CACHD1: variants seen among roughly 807,000 people sequenced by gnomAD.
CACHD1 encodes cache domain containing 1, also known as VWFA and cache domain-containing protein 1.
CACHD1 carries 71 observed loss-of-function variants against 138.7 expected under a neutral mutation model. The observed-to-expected ratio is 0.51, with a 90% CI of 0.42 to 0.62. The LOEUF (loss-of-function observed/expected upper bound fraction) is 0.62. Ranked by LOEUF, CACHD1 falls within the 20% of genes least tolerant of loss-of-function variation. CACHD1 has a pLI of 0.00. For synonymous variants in CACHD1, 578 were observed against 591.5 expected, an observed-to-expected ratio of 0.98 and a Z score of 0.33; for missense variants, 1,389 against 1,625.3, an observed-to-expected ratio of 0.85 and a Z score of 2.50.
intron 2 of CACHD1, among the ~76,000 whole-genome samples, chr1:64,574,623 A>G (rs1646953203): frequency 6.6e-6 from 1 of 152,220 alleles, no homozygotes; most frequent in Non-Finnish European, 1.5e-5. Flanking sequence ...AAACAATAAT[A>G]ACCATTACAA....
chr1:64,494,815 T>C (rs1445113962), intron 1 of CACHD1, among the ~76,000 whole-genome samples: 2 of 152,222 alleles, frequency 1.3e-5, no homozygotes, highest in East Asian at 3.8e-4. Flanking sequence ...CTATTTCTAA[T>C]GCAGATAGCT....
chr1:64,595,571 C>A (rs897797865), intron 3 of CACHD1, among the ~76,000 whole-genome samples: 1 of 152,146 alleles, frequency 6.6e-6, no homozygotes, highest in African/African-American at 2.4e-5. Flanking sequence ...TTGATTTTTC[C>A]AGATACCCGT....
chr1:64,643,167 G>C (rs895748552), intron 8 of CACHD1, among the ~76,000 whole-genome samples: 2 of 150,954 alleles, frequency 1.3e-5, no homozygotes, highest in Admixed American at 1.3e-4. Context: ...TTCAGGGACA[G>C]TGGGCCTCAT....
chr1:64,678,057 A>G (rs1326080559), intron 22 of CACHD1, 102 bp from the exon 23 acceptor site: 1 of 1,189,084 alleles, frequency 8.4e-7, no homozygotes, highest in Non-Finnish European at 1.2e-6. Context: ...TCACAGCACT[A>G]GTAAGTAATG....
intron 4 of CACHD1, among the ~76,000 whole-genome samples, chr1:64,610,132 A>G (rs1048332813): frequency 6.6e-6 from 1 of 152,168 alleles, no homozygotes; most frequent in Non-Finnish European, 1.5e-5. Flanking sequence ...AACCATCCCC[A>G]TGATTCAGTT....
At chr1:64,519,797 G>A (rs532575390) in intron 1 of CACHD1, among the ~76,000 whole-genome samples, 1 of 145,006 alleles carries the variant, frequency 6.9e-6, no homozygotes, top group East Asian at 2.1e-4. Context: ...GTTGTAAGCT[G>A]ATCTAAGCCA....
At chr1:64,586,029 C>T (rs928303999) in intron 3 of CACHD1, among the ~76,000 whole-genome samples, 7 of 152,176 alleles carry the variant, frequency 4.6e-5, no homozygotes, top group Non-Finnish European at 7.4e-5. Context: ...ATTCTAACAG[C>T]TGGGGTGCCT....
Position 64,470,748 on chromosome 1 carries a change from G to A in CACHD1, c.4G>A (p.Ala2Thr), listed in dbSNP as rs1341152118. The change falls in exon 1 of 27, where the codon GCC (alanine) becomes ACC (threonine). Residue 2 changes from alanine to threonine, a missense_variant. This residue lies in a region of CACHD1 where 1,000 missense variants were observed against 1,114.7 expected (regional missense o/e 0.90). Transcript: ENST00000651257. This position sits in a 1 kb window ranked among gnomAD's most constrained non-coding sequence, Gnocchi z 5.2. Reference sequence around the variant, plus strand: ...GCGGGGAGTGGGGGGAGGCAGCATGGCCCGCCAGCCGGAGGAAGAGGAGAC... The same window carrying A: ...GCGGGGAGTGGGGGGAGGCAGCATGACCCGCCAGCCGGAGGAAGAGGAGAC... M[A>T]RQPEEEETAV... The A allele has an allele frequency of 2.9e-6, 2 of 684,478 alleles. No homozygotes were observed. The highest frequency in any genetic ancestry group is 4.6e-6 in the Non-Finnish European group (2 of 432,538). The allele number at this position is 684,478 out of a possible 1,614,324, so 42.4% of individuals were successfully genotyped here.
chr1:64,572,005 T>C (rs1416585532), intron 2 of CACHD1, among the ~76,000 whole-genome samples: 5 of 152,218 alleles, frequency 3.3e-5, no homozygotes, highest in African/African-American at 1.2e-4. Flanking sequence ...AGATATTTGT[T>C]CTTCAAGTAA....
chr1:64,658,335 G>A (rs147004132), intron 12 of CACHD1, among the ~76,000 whole-genome samples: 78 of 152,210 alleles, frequency 5.1e-4, no homozygotes, highest in African/African-American at 1.8e-3. Flanking sequence ...ATTTTTAAGT[G>A]CATTTCAAAT....
At chr1:64,535,327 G>A (rs1286422044) in intron 1 of CACHD1, among the ~76,000 whole-genome samples, 1 of 136,642 alleles carries the variant, frequency 7.3e-6, no homozygotes, top group Non-Finnish European at 1.6e-5. Context: ...AATTTGGAGG[G>A]TTTTTTTTTT....
intron 9 of CACHD1, among the ~76,000 whole-genome samples, 155 bp from the exon 10 acceptor site, chr1:64,652,006 G>T (rs1023419645): frequency 1.3e-5 from 2 of 152,184 alleles, no homozygotes; most frequent in African/African-American, 4.8e-5. Flanking sequence ...GTCTGCAAAG[G>T]CAATGCTTGA....
chr1:64,592,115 T>G (rs749636457), intron 3 of CACHD1, among the ~76,000 whole-genome samples: 1 of 152,236 alleles, frequency 6.6e-6, no homozygotes, highest in Non-Finnish European at 1.5e-5. Flanking sequence ...TGATAGTCAT[T>G]GTTTTAATCT....
intron 23 of CACHD1, among the ~76,000 whole-genome samples, chr1:64,678,945 A>G (rs1043682512): frequency 1.3e-5 from 2 of 152,164 alleles, no homozygotes; most frequent in African/African-American, 4.8e-5. Context: ...GTAGAGTCAA[A>G]TATTTAAATC....
At chr1:64,549,324 T>C (rs1440752965) in intron 1 of CACHD1, among the ~76,000 whole-genome samples, 2 of 152,162 alleles carry the variant, frequency 1.3e-5, no homozygotes, top group Non-Finnish European at 2.9e-5. Flanking sequence ...AGACCTGTAA[T>C]GAACTTTCAT....
chr1:64,568,881 C>T (rs1000539825), intron 2 of CACHD1, among the ~76,000 whole-genome samples: 4 of 152,050 alleles, frequency 2.6e-5, no homozygotes, highest in Non-Finnish European at 2.9e-5. Flanking sequence ...GTACTCCAGG[C>T]ACATATTTAC....
At chr1:64,508,663 C>T (rs192239233) in intron 1 of CACHD1, among the ~76,000 whole-genome samples, 158 of 152,302 alleles carry the variant, frequency 1.0e-3, no homozygotes, top group Admixed American at 2.2e-3. Flanking sequence ...ATATTCCTCT[C>T]AAGTCCCTAA....
intron 26 of CACHD1, among the ~76,000 whole-genome samples, chr1:64,688,558 G>T (rs1359152282): frequency 6.6e-6 from 1 of 152,036 alleles, no homozygotes; most frequent in Non-Finnish European, 1.5e-5. Context: ...TCCACACACT[G>T]CGACTGCCCT....
intron 2 of CACHD1, among the ~76,000 whole-genome samples, chr1:64,580,412 T>C (rs1421117809): frequency 6.6e-6 from 1 of 152,146 alleles, no homozygotes; most frequent in Admixed American, 6.6e-5. Flanking sequence ...TTTATCCATG[T>C]AACAAATGTG....
Sources: gnomAD v4.1 joint callset for allele counts (sites outside exome capture counted in the v4.1 genomes callset) on GRCh38, gnomAD v4.1.1 for gene constraint, gnomAD v4.1.1 regional missense constraint, Gnocchi (gnomAD v3.1) non-coding constraint, MANE v1.5 for transcripts, NCBI Gene and HGNC (gene_info 2026-07-23, HGNC 2026-07-21) for gene names.